The following NRAP variants were observed in gnomAD, a reference collection of about 807,000 sequenced individuals.
The protein encoded by NRAP is nebulin-related-anchoring protein.
A neutral mutation model predicts 225.9 loss-of-function variants in NRAP; 189 were observed. The ratio of observed to expected loss-of-function variants is 0.84; its 90% CI spans 0.74 to 0.94. The LOEUF (loss-of-function observed/expected upper bound fraction) is 0.94. NRAP is among the 40% of genes least tolerant of loss of function. NRAP has a pLI of 0.00. For missense variants in NRAP, 2,176 were observed against 2,168.7 expected (o/e 1.00, Z -0.07); for synonymous variants, 769 against 790.7 (o/e 0.97, Z 0.46).
At chr10:113,597,312 C>A in intron 36 of NRAP, 128 bp from the exon 37 acceptor site, 1 of 666,384 alleles carries the variant, frequency 1.5e-6, no homozygotes, top group Non-Finnish European at 2.7e-6. Flanking sequence ...AGCCTTTCTT[C>A]TTGGTAGGTA....
At chr10:113,662,395 T>C (rs1164545823) in intron 3 of NRAP, among the ~76,000 whole-genome samples, 1 of 148,438 alleles carries the variant, frequency 6.7e-6, no homozygotes, top group Non-Finnish European at 1.5e-5. Flanking sequence ...TGTTGTTAAT[T>C]GTGGTCATCC....
intron 26 of NRAP, 59 bp downstream of exon 26, chr10:113,617,396 C>T: frequency 4.9e-6 from 5 of 1,026,468 alleles, no homozygotes; most frequent in Admixed American, 3.4e-5. Context: ...CCGCTTCAAT[C>T]GCAGTGTTGA....
chr10:113,589,967 A>G (rs1167510277), intron 40 of NRAP, among the ~76,000 whole-genome samples, 170 bp from the exon 41 acceptor site: 3 of 152,228 alleles, frequency 2.0e-5, no homozygotes, highest in Non-Finnish European at 2.9e-5. Flanking sequence ...TCCCTGGCAC[A>G]GGGGCCGCAA....
chr10:113,594,217 G>A (rs573860199), intron 38 of NRAP, among the ~76,000 whole-genome samples: 1 of 152,092 alleles, frequency 6.6e-6, no homozygotes, highest in Non-Finnish European at 1.5e-5. Flanking sequence ...GGCTTTCTTT[G>A]CCCAGGAAGG....
chr10:113,602,053 T>C (rs1292732965), intron 35 of NRAP, among the ~76,000 whole-genome samples: 1 of 152,164 alleles, frequency 6.6e-6, no homozygotes, highest in Non-Finnish European at 1.5e-5. Flanking sequence ...ACCCAGCTAA[T>C]TTTTTGTAGA....
chr10:113,633,060 C>T (rs752081574), intron 16 of NRAP, 24 bp downstream of exon 16: 6 of 1,195,216 alleles, frequency 5.0e-6, no homozygotes, highest in Admixed American at 1.7e-5. Flanking sequence ...CCCCCTCCAC[C>T]GTCTCCCCAC....
rs576657400 is a variant in NRAP, at chr10:113,633,226, G to A, written c.1528-38C>T. 4 of 1,211,708 alleles carry A rather than the reference G, an allele frequency of 3.3e-6. No individual in the cohort carries two copies. The East Asian group carries it at 7.0e-5, about 21-fold the overall frequency. The allele number at this position is 1,211,708 out of a possible 1,614,324, so 75.1% of individuals were successfully genotyped here. ...AAATAAATCTGTAGGGTTTTTATAT[G>A]GGCAGAAAGAGAACTTTAGGGACCC... On this transcript the variant is annotated intron_variant, in intron 15 of 41. Coordinates refer to ENST00000359988, the MANE Select transcript of NRAP (RefSeq NM_198060.4).
At chr10:113,616,518 GTGT>G (rs1847674307) in intron 26 of NRAP, among the ~76,000 whole-genome samples, 3 of 152,186 alleles carry the variant, frequency 2.0e-5, no homozygotes, top group African/African-American at 2.4e-5. Flanking sequence ...TTGACCATCT[GTGT>G]TTCTCAGAAT....
intron 20 of NRAP, 83 bp downstream of exon 20, chr10:113,628,834 G>A: frequency 4.0e-6 from 3 of 748,028 alleles, no homozygotes; most frequent in East Asian, 5.3e-5. Flanking sequence ...TGAGGATAGA[G>A]AAAGGGAATT....
At chr10:113,602,698 A>G (rs937694030) in intron 35 of NRAP, among the ~76,000 whole-genome samples, 1 of 152,236 alleles carries the variant, frequency 6.6e-6, no homozygotes, top group African/African-American at 2.4e-5. Context: ...CAATTAATCT[A>G]GCAGTAGTCA....
intron 41 of NRAP, 47 bp downstream of exon 41, chr10:113,589,618 TC>T: frequency 2.6e-6 from 4 of 1,517,792 alleles, no homozygotes; most frequent in Non-Finnish European, 3.5e-6. Context: ...AGTTTGTCTT[TC>T]CCCATGGCCT....
At chr10:113,652,007 C>A in intron 6 of NRAP, 100 bp from the exon 7 acceptor site, 1 of 747,712 alleles carries the variant, frequency 1.3e-6, no homozygotes, top group South Asian at 1.5e-5. Flanking sequence ...AGGCTACACT[C>A]AATGCAAACC....
At chr10:113,610,022 A>G (rs1224599394) in intron 31 of NRAP, among the ~76,000 whole-genome samples, 4 of 152,032 alleles carry the variant, frequency 2.6e-5, no homozygotes, top group Non-Finnish European at 5.9e-5. Flanking sequence ...ACTGCTGCTA[A>G]GAGTTTAACA....
chr10:113,623,510 A>C lies in NRAP; in HGVS notation c.2457+19T>G. The C allele has an allele frequency of 4.5e-6, 7 of 1,548,366 alleles. No individual in the cohort carries two copies. The highest frequency in any genetic ancestry group is 6.2e-6 in the Non-Finnish European group (7 of 1,121,870). On this transcript the variant is annotated intron_variant, in intron 23 of 41. Transcript: ENST00000359988. The stretch of plus-strand genomic sequence containing the variant: ...GGCAGGATTCTGCGGTCTCTTGTAC[A>C]AGGTGGGGACAGACTCACCTCGCTA...
chr10:113,629,090 GT>G, intron 19 of NRAP, 69 bp from the exon 20 acceptor site: 1 of 1,098,434 alleles, frequency 9.1e-7, no homozygotes. Context: ...TGATGGGAGA[GT>G]TAAGAAGATC....
In NRAP at chr10:113,592,268, C is replaced by A. The variant is rs368142227; in HGVS notation, c.4570G>T (p.Ala1524Ser). The A allele has an allele frequency of 1.4e-5, 23 of 1,612,674 alleles. No homozygotes were observed. The highest frequency in any genetic ancestry group is 1.8e-5 in the Non-Finnish European group (21 of 1,179,220). Residue 1524 changes from alanine to serine, a missense_variant, in exon 39 of 42, where the codon GCT becomes TCT. By Grantham distance (99) the Ala-to-Ser change is moderately conservative (BLOSUM62 1). This residue lies in a region of NRAP where 445 missense variants were observed against 426.1 expected (regional missense o/e 1.04). Coordinates refer to ENST00000359988, the MANE Select transcript of NRAP (RefSeq NM_198060.4). ...VYRNSWEQTR[A>S]GSYDFRLDAI... ...TCCAGCCTGAAGTCATAACTGCCAG[C>A]CCGGGTCTGCTCCCAGGAGTTTCTG...
At chr10:113,657,848 T>C (rs996849266) in intron 3 of NRAP, among the ~76,000 whole-genome samples, 1 of 152,186 alleles carries the variant, frequency 6.6e-6, no homozygotes, top group Non-Finnish European at 1.5e-5. Context: ...TACCACACAA[T>C]ACAAATTAGA....
In NRAP at chr10:113,588,877, G is replaced by T; in HGVS notation, c.*98C>A. ...ATAAAGGAAGATCTGGGATGGGCTG[G>T]TGGGCCATTCCAGCTTGCCGAAATC... is the stretch of plus-strand genomic sequence containing the variant. On this transcript the variant is annotated 3_prime_UTR_variant, in exon 42 of 42. Coordinates refer to ENST00000359988, the MANE Select transcript of NRAP (RefSeq NM_198060.4). 1 of 826,848 alleles carries T rather than the reference G, an allele frequency of 1.2e-6. No homozygotes were observed. The highest frequency in any genetic ancestry group is 2.1e-6 in the Non-Finnish European group (1 of 485,384). 51.2% of individuals were successfully genotyped at this position (826,848 alleles called of 1,614,324 possible).
chr10:113,649,161 A>T (rs1849777093), intron 9 of NRAP, among the ~76,000 whole-genome samples: 1 of 152,228 alleles, frequency 6.6e-6, no homozygotes, highest in African/African-American at 2.4e-5. Flanking sequence ...GACATTTTCA[A>T]AGGAGTCCCA....
Sources: allele counts gnomAD v4.1 joint callset (sites outside exome capture counted in the v4.1 genomes callset), GRCh38; gene constraint gnomAD v4.1.1; regional missense constraint gnomAD v4.1.1; transcripts MANE v1.5; gene names NCBI Gene and HGNC (gene_info 2026-07-23, HGNC 2026-07-21).